Variants in ITFG1 observed in about 807,000 individuals in gnomAD.
The protein encoded by ITFG1 is integrin alpha FG-GAP repeat containing 1.
ITFG1 carries 34 observed loss-of-function variants against 81.8 expected under a neutral mutation model. The observed-to-expected ratio is 0.42, with a 90% CI of 0.32 to 0.55. The LOEUF is 0.55. Ranked by LOEUF, ITFG1 falls within the 20% of genes least tolerant of loss-of-function variation. ITFG1 has a pLI of 0.17. For synonymous variants in ITFG1, 285 were observed against 270.6 expected (o/e 1.05, Z -0.52); for missense variants, 672 against 755.4 (o/e 0.89, Z 1.29).
chr16:47,433,416 C>T (rs1969117802), intron 5 of ITFG1, among the ~76,000 whole-genome samples: 1 of 152,190 alleles, frequency 6.6e-6, no homozygotes, highest in Non-Finnish European at 1.5e-5. Flanking sequence ...TCAGACAGAG[C>T]TAGCGTCTAA....
chr16:47,379,008 T>C (rs1410369646), intron 6 of ITFG1, among the ~76,000 whole-genome samples: 1 of 152,170 alleles, frequency 6.6e-6, no homozygotes, highest in Admixed American at 6.5e-5. Context: ...CTTCTAGAAA[T>C]ATTGCTGGTA....
intron 2 of ITFG1, among the ~76,000 whole-genome samples, chr16:47,455,318 C>A (rs1969437494): frequency 6.6e-6 from 1 of 151,562 alleles, no homozygotes; most frequent in Non-Finnish European, 1.5e-5. Flanking sequence ...CAATAAGGAA[C>A]CTGAAGAAAA....
At chr16:47,272,602 G>C (rs1966354888) in intron 10 of ITFG1, among the ~76,000 whole-genome samples, 2 of 152,040 alleles carry the variant, frequency 1.3e-5, no homozygotes, top group Admixed American at 1.3e-4. Context: ...CACCATGTTG[G>C]CCAGGCTGGT....
intron 2 of ITFG1, 143 bp from the exon 3 acceptor site, chr16:47,454,301 C>T: frequency 2.8e-6 from 2 of 720,668 alleles, no homozygotes. Context: ...CCTATCTTTT[C>T]ATCCATCATG....
intron 8 of ITFG1, among the ~76,000 whole-genome samples, chr16:47,321,527 A>T (rs971491489): frequency 6.6e-6 from 1 of 152,218 alleles, no homozygotes; most frequent in Admixed American, 6.5e-5. Context: ...AAGAGAAATT[A>T]TTCTCACAAA....
intron 14 of ITFG1, among the ~76,000 whole-genome samples, chr16:47,188,501 A>G (rs1965252578): frequency 6.6e-6 from 1 of 150,810 alleles, no homozygotes; most frequent in East Asian, 2.0e-4. Context: ...TTCTCAGTAA[A>G]CTATTGCAAG....
chr16:47,237,105 T>C (rs1251596049), intron 13 of ITFG1, among the ~76,000 whole-genome samples: 2 of 152,260 alleles, frequency 1.3e-5, no homozygotes, highest in African/African-American at 4.8e-5. Context: ...CTTTCTTCAC[T>C]ACTTCAGAGG....
intron 7 of ITFG1, among the ~76,000 whole-genome samples, chr16:47,374,294 C>T (rs1968296473): frequency 6.6e-6 from 1 of 152,110 alleles, no homozygotes; most frequent in African/African-American, 2.4e-5. Context: ...AAGAAAAACC[C>T]TTAGTCCCCA....
chr16:47,313,552 G>A (rs1353879954), intron 9 of ITFG1, among the ~76,000 whole-genome samples, 177 bp downstream of exon 9: 2 of 151,888 alleles, frequency 1.3e-5, no homozygotes, highest in Non-Finnish European at 2.9e-5. Flanking sequence ...TGATTTTCCC[G>A]CAACAAATTA....
intron 9 of ITFG1, among the ~76,000 whole-genome samples, chr16:47,313,325 T>C (rs1393201174): frequency 6.6e-6 from 1 of 152,182 alleles, no homozygotes; most frequent in Non-Finnish European, 1.5e-5. Flanking sequence ...CTAAATTGCT[T>C]ACCTACAAGC....
At chr16:47,416,263 A>C (rs1968873828) in intron 6 of ITFG1, among the ~76,000 whole-genome samples, 1 of 152,164 alleles carries the variant, frequency 6.6e-6, no homozygotes, top group Admixed American at 6.5e-5. Context: ...ATAACTTAAA[A>C]AAAAAGAGAT....
chr16:47,292,656 C>G (rs1260374805), intron 10 of ITFG1, among the ~76,000 whole-genome samples: 1 of 152,198 alleles, frequency 6.6e-6, no homozygotes, highest in South Asian at 2.1e-4. Context: ...CCCTCAACCC[C>G]CCTCACCCTC....
intron 8 of ITFG1, among the ~76,000 whole-genome samples, chr16:47,350,406 C>G (rs959994738): frequency 6.6e-6 from 1 of 152,180 alleles, no homozygotes; most frequent in African/African-American, 2.4e-5. Flanking sequence ...CACAGAAATA[C>G]AAACTACCAT....
chr16:47,295,391 ACTT>A (rs1966967848), intron 10 of ITFG1, among the ~76,000 whole-genome samples: 1 of 152,134 alleles, frequency 6.6e-6, no homozygotes, highest in Non-Finnish European at 1.5e-5. Flanking sequence ...TGGTACCAGT[ACTT>A]CTTTGTACAT....
chr16:47,304,198 A>G (rs1252386720), intron 10 of ITFG1, among the ~76,000 whole-genome samples: 1 of 152,194 alleles, frequency 6.6e-6, no homozygotes, highest in Non-Finnish European at 1.5e-5. Context: ...GCTGTCACAG[A>G]TCTCTTGGAA....
intron 11 of ITFG1, among the ~76,000 whole-genome samples, chr16:47,259,395 T>C (rs1966178683): frequency 6.6e-6 from 1 of 152,214 alleles, no homozygotes; most frequent in Non-Finnish European, 1.5e-5. Context: ...ATTCATATTT[T>C]TGATGTACAG....
At chr16:47,355,211 C>T (rs934637400) in intron 8 of ITFG1, among the ~76,000 whole-genome samples, 14 of 151,814 alleles carry the variant, frequency 9.2e-5, no homozygotes, top group Non-Finnish European at 1.3e-4. Context: ...TGTTCAGACA[C>T]GAAAAGGAAT....
chr16:47,415,158 T>C (rs1223304127), intron 6 of ITFG1, among the ~76,000 whole-genome samples: 1 of 152,250 alleles, frequency 6.6e-6, no homozygotes, highest in Non-Finnish European at 1.5e-5. Context: ...TATTCCATTG[T>C]TGGACAAGAA....
chr16:47,169,234 G>A (rs1964929602), intron 14 of ITFG1, among the ~76,000 whole-genome samples: 1 of 152,094 alleles, frequency 6.6e-6, no homozygotes, highest in Non-Finnish European at 1.5e-5. Context: ...GTATCAATTT[G>A]AAGGTTGGCT....
Sources: gnomAD v4.1 joint callset for allele counts (sites outside exome capture counted in the v4.1 genomes callset) on GRCh38, gnomAD v4.1.1 for gene constraint, MANE v1.5 for transcripts, NCBI Gene and HGNC (gene_info 2026-07-23, HGNC 2026-07-21) for gene names.